Variants in DCUN1D5 observed in about 807,000 individuals in gnomAD.
The protein encoded by DCUN1D5 is DCN1-like protein 5.
DCUN1D5 carries 10 observed loss-of-function variants against 38.3 expected under a neutral mutation model. The ratio of observed to expected loss-of-function variants is 0.26; its 90% confidence interval spans 0.16 to 0.44. DCUN1D5 has a LOEUF of 0.44. Among genes scored for constraint, DCUN1D5 ranks in the 20% least tolerant of loss-of-function variants. The pLI is 1.00. For synonymous variants in DCUN1D5, 93 were observed against 90.9 expected (o/e 1.02, Z -0.13); for missense variants, 148 against 275.3 (o/e 0.54, Z 3.27).
Position 103,055,505 on chromosome 11 carries a change from C to A in DCUN1D5, c.*6854G>T, listed in dbSNP as rs1861852242. ...TTATTCCAAGAATAAAGTGACACTC[C>A]CTCCTCAATTTAATTTGCCATTTGT... On this transcript the variant is annotated 3_prime_UTR_variant, in exon 8 of 8. Transcript: ENST00000260247. 6.6e-6 allele frequency: 1 copy of A among 152,018 alleles called. No individual in the cohort carries two copies. The highest frequency in any genetic ancestry group is 6.5e-5 in the Admixed American group (1 of 15,268). 9.4% of individuals were successfully genotyped at this position (152,018 alleles called of 1,614,324 possible).
intron 1 of DCUN1D5, 99 bp from the exon 2 acceptor site, chr11:103,089,417 GT>G (rs59324738): frequency 2.8e-4 from 261 of 945,106 alleles, no homozygotes; most frequent in South Asian, 4.8e-4. Context: ...TTAAACAAAG[GT>G]TTTTTTTTTC....
At chr11:103,089,847 T>A (rs894885472) in intron 1 of DCUN1D5, among the ~76,000 whole-genome samples, 11 of 151,886 alleles carry the variant, frequency 7.2e-5, no homozygotes, top group Non-Finnish European at 1.3e-4. Context: ...TACACAGATT[T>A]AAAAAAAACA....
At chr11:103,081,329 T>A (rs1316544741) in intron 4 of DCUN1D5, among the ~76,000 whole-genome samples, 4 of 152,178 alleles carry the variant, frequency 2.6e-5, no homozygotes, top group Non-Finnish European at 4.4e-5. Context: ...TAAAACACAC[T>A]GAGTTGTATA....
rs1565277938 is a variant in DCUN1D5, at chr11:103,052,597, T to G, written c.*9762A>C. 1 of 152,208 alleles carries G rather than the reference T, an allele frequency of 6.6e-6. No individual in the cohort carries two copies. Among genetic ancestry groups the G allele is most frequent in the African/African-American group, 2.4e-5 (1 of 41,460 alleles). 9.4% of individuals were successfully genotyped at this position (152,208 alleles called of 1,614,324 possible). A position where few individuals can be genotyped will look rare whatever the true frequency, so the allele number is the denominator to read the frequency against. On this transcript the variant is annotated 3_prime_UTR_variant, in exon 8 of 8. Coordinates refer to ENST00000260247, the MANE Select transcript of DCUN1D5 (RefSeq NM_032299.4). ...GGGCCTATGGATATTTATTGGATATTGATTCATTCCTTCATTCTTGTATCT... is the reference window on the plus strand; with the variant it reads ...GGGCCTATGGATATTTATTGGATATGGATTCATTCCTTCATTCTTGTATCT...
rs190117834 is a variant in DCUN1D5, at chr11:103,064,894, T to C, written c.556-517A>G. Among the ~76,000 whole-genome samples, 122 of 152,336 alleles carry C rather than the reference T, an allele frequency of 8.0e-4. No homozygotes were observed. Among genetic ancestry groups the C allele is most frequent in the African/African-American group, 2.8e-3 (115 of 41,572 alleles). On this transcript the variant is annotated intron_variant, in intron 6 of 7. Coordinates refer to ENST00000260247, the MANE Select transcript of DCUN1D5 (RefSeq NM_032299.4). This position sits in a 1 kb window ranked among gnomAD's most constrained non-coding sequence, Gnocchi z 4.5. ...CACCTCCTCATTTGTTAAATGGGGA[T>C]AGAATTTAATTCAAAATGGTATTAT... is the stretch of plus-strand genomic sequence containing the variant.
At chr11:103,072,896 T>TG (rs1862316349) in intron 4 of DCUN1D5, among the ~76,000 whole-genome samples, 1 of 152,008 alleles carries the variant, frequency 6.6e-6, no homozygotes. Context: ...ACCCTAGAAC[T>TG]TGAAGTATAA....
chr11:103,083,309 C>T lies in DCUN1D5; in HGVS notation c.196G>A (p.Gly66Arg). ...CAAAATTTTTCCATTCCTTCTGGCCCTACAACTTCATCAGGACCTTCAAAG... is the reference window on the plus strand; with the variant it reads ...CAAAATTTTTCCATTCCTTCTGGCCTTACAACTTCATCAGGACCTTCAAAG... ...YEYAGPDEVV[G>R]PEGMEKFCED... is the part of the protein sequence containing the mutation. The change falls in exon 3 of 8, where the codon GGG becomes AGG. Residue 66 changes from glycine (G) to arginine (R), a missense_variant. Coordinates refer to ENST00000260247, the MANE Select transcript of DCUN1D5 (RefSeq NM_032299.4). This position sits in a 1 kb window ranked among gnomAD's most constrained non-coding sequence, Gnocchi z 4.4. 6.3e-7 allele frequency: 1 copy of T among 1,596,886 alleles called. No homozygotes were observed. Among genetic ancestry groups the T allele is most frequent in the Non-Finnish European group, 8.6e-7 (1 of 1,165,128 alleles).
In DCUN1D5 at chr11:103,091,048, T is replaced by TACAGAA. The variant is rs1862850578; in HGVS notation, c.86+738_86+739insTTCTGT. ...TCAAAGAGCTACTACTATATAGTTC[T>TACAGAA]GCCTTGTCTTCTTTCTTACCAGTAG... On this transcript the variant is annotated intron_variant, in intron 1 of 7. Transcript: ENST00000260247. The surrounding 1 kb of genome is among the most constrained non-coding windows in gnomAD (Gnocchi z 4.3). 1.3e-5 allele frequency among the ~76,000 whole-genome samples: 2 copies of TACAGAA among 152,356 alleles called. No individual in the cohort carries two copies. Among genetic ancestry groups the TACAGAA allele is most frequent in the South Asian group, 4.1e-4 (2 of 4,832 alleles).
Position 103,083,188 on chromosome 11 carries a change from G to T in DCUN1D5, c.249+68C>A. 1 of 765,008 alleles carries T rather than the reference G, an allele frequency of 1.3e-6. No homozygotes were observed. The highest frequency in any genetic ancestry group is 1.6e-5 in the South Asian group (1 of 62,474). 47.4% of individuals were successfully genotyped at this position (765,008 alleles called of 1,614,324 possible). ...TCTTCATACAAGATTAAAGTGTCTC[G>T]ATTTTTAGTAATTTACGAATATGCT... On this transcript the variant is annotated intron_variant, in intron 3 of 7. Transcript: ENST00000260247. This position sits in a 1 kb window ranked among gnomAD's most constrained non-coding sequence, Gnocchi z 4.4.
At chr11:103,067,727 A>G (rs1015279837) in intron 4 of DCUN1D5, among the ~76,000 whole-genome samples, 6 of 152,188 alleles carry the variant, frequency 3.9e-5, no homozygotes, top group African/African-American at 1.4e-4. Flanking sequence ...TAAACCTTGC[A>G]TTTCTAGAAT....
In DCUN1D5 at chr11:103,091,016, A is replaced by G. The variant is rs1384047629; in HGVS notation, c.86+771T>C. On this transcript the variant is annotated intron_variant, in intron 1 of 7. Coordinates refer to ENST00000260247, the MANE Select transcript of DCUN1D5 (RefSeq NM_032299.4). This position sits in a 1 kb window ranked among gnomAD's most constrained non-coding sequence, Gnocchi z 4.3. ...CTGTGATGCCTCCATGATATGCTAC[A>G]AGGGGATCAAAGAGCTACTACTATA... Among the ~76,000 whole-genome samples, 1 of 152,222 alleles carries G rather than the reference A, an allele frequency of 6.6e-6. No homozygotes were observed. Among genetic ancestry groups the G allele is most frequent in the Non-Finnish European group, 1.5e-5 (1 of 68,036 alleles).
rs908710093 is a variant in DCUN1D5, at chr11:103,058,019, C to T, written c.*4340G>A. Among the ~76,000 whole-genome samples the T allele has an allele frequency of 2.0e-5, 3 of 152,058 alleles. No homozygotes were observed. The highest frequency in any genetic ancestry group is 4.4e-5 in the Non-Finnish European group (3 of 68,014). ...TTAATAAAACGTTTGCTATTAACTC[C>T]CATTTATGGACCATAGAGCCAAAAA... On this transcript the variant is annotated 3_prime_UTR_variant, in exon 8 of 8. Transcript: ENST00000260247.
In DCUN1D5 at chr11:103,054,063, G is replaced by A. The variant is rs1205538468; in HGVS notation, c.*8296C>T. ...GGAAAACTTTCCAGGTGAAAAGCAG[G>A]AAAAAGAACCTCATTCCAGAAGGTT... On this transcript the variant is annotated 3_prime_UTR_variant, in exon 8 of 8. Transcript: ENST00000260247. The A allele has an allele frequency of 6.6e-6, 1 of 152,088 alleles. No individual in the cohort carries two copies. Among genetic ancestry groups the A allele is most frequent in the Non-Finnish European group, 1.5e-5 (1 of 67,988 alleles). The allele number at this position is 152,088 out of a possible 1,614,324, so 9.4% of individuals were successfully genotyped here.
At position 103,084,984 on chromosome 11, in the gene DCUN1D5, C is replaced by CA. The variant is rs200598483; in HGVS notation, c.179-1659dup. ...CCTGGGAGAGAGCAAGGCCCTGTCT[C>CA]AAAAAAAAATAAAAAATAAAAAATT... On this transcript the variant is annotated intron_variant, in intron 2 of 7. Coordinates refer to ENST00000260247, the MANE Select transcript of DCUN1D5 (RefSeq NM_032299.4). 1.5e-3 allele frequency among the ~76,000 whole-genome samples: 222 copies of CA among 147,788 alleles called. 1 individual carries two copies. Among genetic ancestry groups the CA allele is most frequent in the African/African-American group, 4.8e-3 (194 of 40,220 alleles).
Position 103,052,679 on chromosome 11 carries a change from A to G in DCUN1D5, c.*9680T>C, listed in dbSNP as rs1280812044. The G allele has an allele frequency of 1.3e-5, 2 of 152,310 alleles. No homozygotes were observed. Among genetic ancestry groups the G allele is most frequent in the Non-Finnish European group, 2.9e-5 (2 of 68,014 alleles). 9.4% of individuals were successfully genotyped at this position (152,310 alleles called of 1,614,324 possible). A position where few individuals can be genotyped will look rare whatever the true frequency, so the allele number is the denominator to read the frequency against. Reference sequence around the variant, plus strand: ...TCATCCTTTTTTAGACCAGCTCTAGATAATGAATCTAAGATAGAATTATCA... The same window carrying G: ...TCATCCTTTTTTAGACCAGCTCTAGGTAATGAATCTAAGATAGAATTATCA... On this transcript the variant is annotated 3_prime_UTR_variant, in exon 8 of 8. Coordinates refer to ENST00000260247, the MANE Select transcript of DCUN1D5 (RefSeq NM_032299.4).
intron 4 of DCUN1D5, among the ~76,000 whole-genome samples, chr11:103,080,188 A>C (rs1862521700): frequency 6.6e-6 from 1 of 152,234 alleles, no homozygotes; most frequent in South Asian, 2.1e-4. Context: ...GGTTAAAATT[A>C]ATTAATTGAA....
At position 103,057,752 on chromosome 11, in the gene DCUN1D5, A is replaced by G. The variant is rs1353360933; in HGVS notation, c.*4607T>C. On this transcript the variant is annotated 3_prime_UTR_variant, in exon 8 of 8. Coordinates refer to ENST00000260247, the MANE Select transcript of DCUN1D5 (RefSeq NM_032299.4). This position sits in a 1 kb window ranked among gnomAD's most constrained non-coding sequence, Gnocchi z 4.8. Reference sequence around the variant, plus strand: ...AAAAAGGGAAAAGTTAATTATGGCTAATATTCTACACAAAACACACACAGC... The same window carrying G: ...AAAAAGGGAAAAGTTAATTATGGCTGATATTCTACACAAAACACACACAGC... Among the ~76,000 whole-genome samples, 5 of 151,642 alleles carry G rather than the reference A, an allele frequency of 3.3e-5. No homozygotes were observed. Among genetic ancestry groups the G allele is most frequent in the Non-Finnish European group, 7.4e-5 (5 of 67,958 alleles).
chr11:103,082,847 G>C lies in DCUN1D5; in HGVS notation c.250-8C>G. On this transcript the variant is annotated splice_polypyrimidine_tract_variant and splice_region_variant and intron_variant, in intron 3 of 7. Transcript: ENST00000260247. ...TAAAACTAACATAATAATCTGGAAAGAACAGAACATAAAGGATAGGGGAAA... is the reference window on the plus strand; with the variant it reads ...TAAAACTAACATAATAATCTGGAAACAACAGAACATAAAGGATAGGGGAAA... The C allele has an allele frequency of 6.2e-7, 1 of 1,604,498 alleles. No homozygotes were observed. The highest frequency in any genetic ancestry group is 8.5e-7 in the Non-Finnish European group (1 of 1,172,152).
At chr11:103,070,506 CAT>C (rs1304453934) in intron 4 of DCUN1D5, among the ~76,000 whole-genome samples, 3 of 152,084 alleles carry the variant, frequency 2.0e-5, no homozygotes, top group Non-Finnish European at 4.4e-5. Context: ...ATCAGAAAGA[CAT>C]AGCAATCCTA....
Sources: allele counts gnomAD v4.1 joint callset (sites outside exome capture counted in the v4.1 genomes callset), GRCh38; gene constraint gnomAD v4.1.1; non-coding constraint Gnocchi (gnomAD v3.1); transcripts MANE v1.5; gene names NCBI Gene and HGNC (gene_info 2026-07-23, HGNC 2026-07-21).